The following DCDC2 variants were observed in gnomAD, a reference collection of about 807,000 sequenced individuals.
DCDC2 encodes doublecortin domain containing 2, also known as doublecortin domain-containing protein 2.
A neutral mutation model predicts 50.2 loss-of-function variants in DCDC2; 40 were observed. That is an observed-to-expected ratio of 0.80 (90% CI 0.62 to 1.04). DCDC2 has a LOEUF of 1.04. Among genes scored for constraint, DCDC2 ranks in the 50% least tolerant of loss-of-function variants. DCDC2 has a pLI of 0.00. For synonymous variants in DCDC2, 234 were observed against 210.6 expected, an observed-to-expected ratio of 1.11 and a Z score of -0.96; for missense variants, 570 against 581.9, an observed-to-expected ratio of 0.98 and a Z score of 0.21.
chr6:24,302,702 T>C (rs807696), intron 2 of DCDC2, among the ~76,000 whole-genome samples: 149,811 of 152,140 alleles, frequency 0.98, 73,788 homozygotes, highest in Middle Eastern at 1. Flanking sequence ...CGGGGCCCCA[T>C]GAGCAGCCCT....
At chr6:24,358,169 C>T (rs1048466462), upstream of DCDC2, 2 of 460,558 alleles carry the variant, frequency 4.3e-6, no homozygotes, top group Non-Finnish European at 7.9e-6. Context: ...AACCCAATTT[C>T]TTACATCATA....
At chr6:24,290,054 C>A (rs1170491979) in intron 5 of DCDC2, among the ~76,000 whole-genome samples, 1 of 120,940 alleles carries the variant, frequency 8.3e-6, no homozygotes. Flanking sequence ...AGTGCAGTGG[C>A]GGGATCTCAG....
At chr6:24,283,535 A>T (rs1017827641) in intron 6 of DCDC2, among the ~76,000 whole-genome samples, 1 of 152,122 alleles carries the variant, frequency 6.6e-6, no homozygotes, top group Non-Finnish European at 1.5e-5. Flanking sequence ...TAAATTTCTA[A>T]AACTCTAGTT....
intron 6 of DCDC2, among the ~76,000 whole-genome samples, chr6:24,288,192 G>A (rs900909605): frequency 3.9e-5 from 6 of 152,122 alleles, no homozygotes; most frequent in South Asian, 2.1e-4. Flanking sequence ...ACAACTTGTC[G>A]GGCAATTCAA....
chr6:24,381,959 A>AGGAAG, the DCDC2 span, among the ~76,000 whole-genome samples: 341 of 103,692 alleles, frequency 3.3e-3, no homozygotes, highest in African/African-American at 9.3e-3. Context: ...AAGGAAAGAA[A>AGGAAG]GAAGGAAGGA....
intron 7 of DCDC2, among the ~76,000 whole-genome samples, chr6:24,253,184 G>A (rs573711620): frequency 1.3e-5 from 2 of 151,442 alleles, no homozygotes; most frequent in Non-Finnish European, 2.9e-5. Context: ...TAAATATAAG[G>A]GTAGAGATTA....
chr6:24,288,130 G>A (rs1281248270), intron 6 of DCDC2, among the ~76,000 whole-genome samples: 4 of 152,182 alleles, frequency 2.6e-5, no homozygotes, highest in Admixed American at 2.6e-4. Context: ...AAATAAGAAT[G>A]TTGCTTAATT....
intron 6 of DCDC2, among the ~76,000 whole-genome samples, chr6:24,281,481 T>C (rs1478718302): frequency 1.0e-5 from 1 of 97,618 alleles, no homozygotes; most frequent in Non-Finnish European, 2.0e-5. Context: ...AGCTAAATGC[T>C]TTTAAGAAAA....
rs185628650 is a variant in DCDC2, at chr6:24,290,814, C to A, written c.704+118G>T. 503 of 898,448 alleles carry A rather than the reference C, an allele frequency of 5.6e-4. 4 individuals are homozygous for A. The Middle Eastern group carries it at 9.6e-3, about 17-fold the overall frequency. The allele number at this position is 898,448 out of a possible 1,614,324, so 55.7% of individuals were successfully genotyped here. On this transcript the variant is annotated intron_variant, in intron 5 of 9. Coordinates refer to ENST00000378454, the MANE Select transcript of DCDC2 (RefSeq NM_016356.5). ...ATCAATGTATACCATATATGCTTTC[C>A]ATTCTAAGTAATAAATAAGATTATC...
intron 7 of DCDC2, among the ~76,000 whole-genome samples, chr6:24,226,392 A>G (rs1274856164): frequency 1.3e-5 from 2 of 152,192 alleles, no homozygotes; most frequent in African/African-American, 2.4e-5. Context: ...CTGAAATCTG[A>G]CCAGGCTCCC....
chr6:24,206,535 G>A (rs1761721001), intron 7 of DCDC2, among the ~76,000 whole-genome samples: 1 of 152,152 alleles, frequency 6.6e-6, no homozygotes, highest in Admixed American at 6.5e-5. Flanking sequence ...ATGACTTTTT[G>A]GATGACATTT....
intron 6 of DCDC2, among the ~76,000 whole-genome samples, chr6:24,286,579 T>A (rs1350819644): frequency 7.1e-6 from 1 of 140,598 alleles, no homozygotes; most frequent in Non-Finnish European, 1.5e-5. Flanking sequence ...GGTGACAGAG[T>A]GAGACCCTGT....
rs28662159 is a variant in DCDC2, at chr6:24,303,278, C to A, written c.349-1234G>T. 3.7e-3 allele frequency among the ~76,000 whole-genome samples: 556 copies of A among 152,178 alleles called. 3 individuals are homozygous for A. Among genetic ancestry groups the A allele is most frequent in the African/African-American group, 0.013 (526 of 41,528 alleles). On this transcript the variant is annotated intron_variant, in intron 2 of 9. Coordinates refer to ENST00000378454, the MANE Select transcript of DCDC2 (RefSeq NM_016356.5). The stretch of plus-strand genomic sequence containing the variant: ...ATACTGGAAGATAAATCCCGACTTT[C>A]AAGCATGGCCTGCAAGAACTCCCAG...
chr6:24,358,827 A>T (rs370918502), upstream of DCDC2, among the ~76,000 whole-genome samples: 152 of 27,206 alleles, frequency 5.6e-3, 12 homozygotes, highest in African/African-American at 0.041. Context: ...TATATATATT[A>T]TATTTATATA....
chr6:24,327,453 CTTATTTATTTAT>C lies in DCDC2; in HGVS notation c.349-25421_349-25410del, dbSNP rs58552034. Among the ~76,000 whole-genome samples the C allele has an allele frequency of 1.2e-4, 16 of 136,612 alleles. 2 individuals carry two copies. The highest frequency in any genetic ancestry group is 2.5e-4 in the Non-Finnish European group (16 of 63,452). 89.6% of individuals were successfully genotyped at this position (136,612 alleles called of 152,430 possible). ...ACTTTTAGTCAATCAACATTATAAA[CTTATTTATTTAT>C]TTATTTATTTATTTATTTATTGGCT... On this transcript the variant is annotated intron_variant, in intron 2 of 9. Transcript: ENST00000378454.
intron 7 of DCDC2, among the ~76,000 whole-genome samples, chr6:24,224,276 A>G (rs1762180079): frequency 6.6e-6 from 1 of 152,228 alleles, no homozygotes; most frequent in Admixed American, 6.5e-5. Context: ...CCAACTCTGT[A>G]CCAACCACTG....
intron 7 of DCDC2, among the ~76,000 whole-genome samples, chr6:24,212,246 T>G (rs1761888636): frequency 6.6e-6 from 1 of 152,110 alleles, no homozygotes; most frequent in Admixed American, 6.5e-5. Flanking sequence ...TGGTCCCTGG[T>G]GCAATAAATG....
At chr6:24,339,384 T>C (rs762191227) in intron 2 of DCDC2, among the ~76,000 whole-genome samples, 5 of 152,152 alleles carry the variant, frequency 3.3e-5, no homozygotes, top group Non-Finnish European at 7.4e-5. Context: ...AAAGCTTGCC[T>C]TGTCTGATAT....
At chr6:24,322,293 A>C (rs1385360637) in intron 2 of DCDC2, among the ~76,000 whole-genome samples, 1 of 152,118 alleles carries the variant, frequency 6.6e-6, no homozygotes, top group Non-Finnish European at 1.5e-5. Context: ...ACAAATCATA[A>C]ATTCTCATCA....
Sources: allele counts gnomAD v4.1 joint callset (sites outside exome capture counted in the v4.1 genomes callset), GRCh38; gene constraint gnomAD v4.1.1; transcripts MANE v1.5; gene names NCBI Gene and HGNC (gene_info 2026-07-23, HGNC 2026-07-21).